Variants in MARCHF6 observed in about 807,000 individuals in gnomAD.
MARCHF6 encodes membrane associated ring-CH-type finger 6, also known as E3 ubiquitin-protein ligase MARCHF6.
A neutral mutation model predicts 133.7 loss-of-function variants in MARCHF6; 31 were observed. That is an observed-to-expected ratio of 0.23 (90% CI 0.17 to 0.31). The LOEUF is 0.31. Ranked by LOEUF, MARCHF6 falls within the 10% of genes least tolerant of loss-of-function variation. The probability of loss-of-function intolerance (pLI) is 1.00; values close to 1 mark genes in which losing one functional copy is unlikely to be tolerated. For synonymous variants in MARCHF6, 395 were observed against 402.5 expected, an observed-to-expected ratio of 0.98 and a Z score of 0.22; for missense variants, 723 against 1,121.6, an observed-to-expected ratio of 0.64 and a Z score of 5.08.
intron 1 of MARCHF6, among the ~76,000 whole-genome samples, chr5:10,361,202 A>G (rs1156723820): frequency 1.3e-5 from 2 of 152,238 alleles, no homozygotes; most frequent in Admixed American, 6.5e-5. Context: ...TGAAGAGGTA[A>G]TATAAGGAGG....
intron 3 of MARCHF6, among the ~76,000 whole-genome samples, chr5:10,379,832 C>T (rs1477103281): frequency 3.3e-5 from 5 of 152,098 alleles, no homozygotes; most frequent in Non-Finnish European, 7.4e-5. Context: ...TCTTGAACTC[C>T]TGGCCTCAAG....
intron 1 of MARCHF6, among the ~76,000 whole-genome samples, chr5:10,372,944 C>T (rs1736555214): frequency 6.6e-6 from 1 of 151,904 alleles, no homozygotes; most frequent in East Asian, 1.9e-4. Flanking sequence ...GCCTGTAATC[C>T]TAGTGCTTTG....
At chr5:10,374,769 A>G (rs755388888) in intron 1 of MARCHF6, among the ~76,000 whole-genome samples, 12 of 152,206 alleles carry the variant, frequency 7.9e-5, no homozygotes, top group Non-Finnish European at 1.6e-4. Flanking sequence ...ATGACCCACT[A>G]GCAGCTTCCA....
chr5:10,392,107 C>T (rs571506717), intron 7 of MARCHF6, among the ~76,000 whole-genome samples: 5 of 152,064 alleles, frequency 3.3e-5, no homozygotes, highest in South Asian at 4.2e-4. Context: ...AACAGGCGCT[C>T]GCCACCACGC....
intron 23 of MARCHF6, 81 bp from the exon 24 acceptor site, chr5:10,426,309 T>A: frequency 1.3e-6 from 2 of 1,494,066 alleles, no homozygotes; most frequent in African/African-American, 2.8e-5. Context: ...GTTGGCAGAT[T>A]CAGTTGTGTG....
chr5:10,385,165 G>T (rs1363129216), intron 4 of MARCHF6, among the ~76,000 whole-genome samples: 1 of 152,204 alleles, frequency 6.6e-6, no homozygotes, highest in Non-Finnish European at 1.5e-5. Context: ...TCTGAATAGT[G>T]GTTACCTTTT....
rs1261466823 is a variant in MARCHF6 at position 10,439,956 on chromosome 5, T to C, written c.*6272T>C. On this transcript the variant is annotated 3_prime_UTR_variant, in exon 26 of 26. Coordinates refer to ENST00000274140, the MANE Select transcript of MARCHF6 (RefSeq NM_005885.4). Reference sequence around the variant, plus strand: ...AGGCTCTTTAGCCTCTTCATTTCTTTCCTGAAGTGTCATTCTCACTGAGGC... The same window carrying C: ...AGGCTCTTTAGCCTCTTCATTTCTTCCCTGAAGTGTCATTCTCACTGAGGC... 6.6e-6 allele frequency: 1 copy of C among 152,282 alleles called. No individual in the cohort carries two copies. Among genetic ancestry groups the C allele is most frequent in the Non-Finnish European group, 1.5e-5 (1 of 68,058 alleles). The allele number at this position is 152,282 out of a possible 1,614,324, so 9.4% of individuals were successfully genotyped here.
intron 11 of MARCHF6, chr5:10,401,211 G>T: frequency 5.8e-6 from 1 of 173,274 alleles, no homozygotes; most frequent in Non-Finnish European, 1.2e-5. Flanking sequence ...ATTTAAAAAG[G>T]GTAGAATATT....
Position 10,400,859 on chromosome 5 carries a change from T to C in MARCHF6, c.972+17T>C, listed in dbSNP as rs761555826. 17 of 1,571,234 alleles carry C rather than the reference T, an allele frequency of 1.1e-5. No individual in the cohort carries two copies. Among genetic ancestry groups the C allele is most frequent in the Non-Finnish European group, 1.4e-5 (16 of 1,141,612 alleles). ...GAAGAACACGTGAGTATAATACTTT[T>C]ACAAAGTTACTTTCATTCATTACTC... On this transcript the variant is annotated intron_variant, in intron 11 of 25. Coordinates refer to ENST00000274140, the MANE Select transcript of MARCHF6 (RefSeq NM_005885.4).
chr5:10,407,979 A>G (rs190221055), intron 17 of MARCHF6, among the ~76,000 whole-genome samples: 2 of 127,498 alleles, frequency 1.6e-5, no homozygotes, highest in African/African-American at 5.8e-5. Context: ...AAAAAAAGCC[A>G]TCCGGAAACC....
intron 17 of MARCHF6, among the ~76,000 whole-genome samples, chr5:10,409,115 C>T (rs761477418): frequency 1.3e-5 from 2 of 152,122 alleles, no homozygotes; most frequent in Non-Finnish European, 1.5e-5. Flanking sequence ...GCCACTGCGC[C>T]CAGCCTCTTA....
rs537808360 is a variant in MARCHF6 at position 10,437,449 on chromosome 5, G to A, written c.*3765G>A. ...CCCTCAACCAGGTGTTTTCTTTTCA[G>A]CCTGTTACTGTCCTGTGCCATTTTT... On this transcript the variant is annotated 3_prime_UTR_variant, in exon 26 of 26. Transcript: ENST00000274140. 3 of 152,208 alleles carry A rather than the reference G, an allele frequency of 2.0e-5. No individual in the cohort carries two copies. Among genetic ancestry groups the A allele is most frequent in the East Asian group, 3.9e-4 (2 of 5,188 alleles). The allele number at this position is 152,208 out of a possible 1,614,324, so 9.4% of individuals were successfully genotyped here.
intron 4 of MARCHF6, among the ~76,000 whole-genome samples, chr5:10,384,416 A>G (rs976290142): frequency 6.6e-6 from 1 of 152,238 alleles, no homozygotes; most frequent in Admixed American, 6.5e-5. Context: ...ATATAAATCA[A>G]TAACAAAAAG....
chr5:10,354,143 A>AGGGGCC (rs1187149592), intron 1 of MARCHF6: 18 of 334,908 alleles, frequency 5.4e-5, no homozygotes, highest in East Asian at 1.9e-4. Context: ...CCTGCCGGGC[A>AGGGGCC]GGGGCCGGGG....
At chr5:10,402,500 G>A (rs947779239) in intron 13 of MARCHF6, 33 bp from the exon 14 acceptor site, 2 of 1,611,652 alleles carry the variant, frequency 1.2e-6, no homozygotes, top group Non-Finnish European at 8.5e-7. Flanking sequence ...TCCTACATTT[G>A]GGTGATACTG....
intron 2 of MARCHF6, among the ~76,000 whole-genome samples, 175 bp downstream of exon 2, chr5:10,378,069 A>T (rs988291094): frequency 6.6e-5 from 10 of 152,252 alleles, no homozygotes; most frequent in African/African-American, 2.4e-4. Context: ...AAAAATTTGG[A>T]AAAGAAATTA....
intron 1 of MARCHF6, among the ~76,000 whole-genome samples, chr5:10,368,113 C>T (rs530914603): frequency 4.3e-4 from 66 of 152,292 alleles, no homozygotes; most frequent in Admixed American, 1.3e-3. Flanking sequence ...GTAGACTTCA[C>T]TCTTTTTGTA....
In MARCHF6 at chr5:10,438,832, T is replaced by G. The variant is rs1333971541; in HGVS notation, c.*5148T>G. 1 of 152,204 alleles carries G rather than the reference T, an allele frequency of 6.6e-6. No homozygotes were observed. The highest frequency in any genetic ancestry group is 1.5e-5 in the Non-Finnish European group (1 of 68,036). 9.4% of individuals were successfully genotyped at this position (152,204 alleles called of 1,614,324 possible). A position where few individuals can be genotyped will look rare whatever the true frequency, so the allele number is the denominator to read the frequency against. ...ACTTCCTTAGTGACTGTTTGGTATA[T>G]GTAGGTCCCCCTGCCATTACTCTTT... On this transcript the variant is annotated 3_prime_UTR_variant, in exon 26 of 26. Transcript: ENST00000274140.
chr5:10,437,413 C>T lies in MARCHF6; in HGVS notation c.*3729C>T, dbSNP rs954883005. 1 of 152,122 alleles carries T rather than the reference C, an allele frequency of 6.6e-6. No homozygotes were observed. Among genetic ancestry groups the T allele is most frequent in the African/African-American group, 2.4e-5 (1 of 41,436 alleles). 9.4% of individuals were successfully genotyped at this position (152,122 alleles called of 1,614,324 possible). A position where few individuals can be genotyped will look rare whatever the true frequency, so the allele number is the denominator to read the frequency against. On this transcript the variant is annotated 3_prime_UTR_variant, in exon 26 of 26. Transcript: ENST00000274140. ...CCTTGGTTAAGCTGTCTTGTATTTA[C>T]TTAATTTGTCCCCTCAACCAGGTGT...
Sources: gnomAD v4.1 joint callset for allele counts (sites outside exome capture counted in the v4.1 genomes callset) on GRCh38, gnomAD v4.1.1 for gene constraint, MANE v1.5 for transcripts, NCBI Gene and HGNC (gene_info 2026-07-23, HGNC 2026-07-21) for gene names.